TSPEAR: variants seen among roughly 807,000 people sequenced by gnomAD.
TSPEAR encodes the protein thrombospondin type laminin G domain and EAR repeats.
A neutral mutation model predicts 71.6 loss-of-function variants in TSPEAR; 69 were observed. The observed-to-expected ratio is 0.96, with a 90% CI of 0.79 to 1.18. TSPEAR has a LOEUF of 1.18. TSPEAR is among the 50% of genes most tolerant of loss of function. The probability of loss-of-function intolerance (pLI) is 0.00; values close to 1 mark genes in which losing one functional copy is unlikely to be tolerated. For missense variants in TSPEAR, 971 were observed against 894.9 expected (o/e 1.09, Z -1.09); for synonymous variants, 402 against 387.2 (o/e 1.04, Z -0.45).
At chr21:44,585,841 T>C (rs1346141139) in intron 1 of TSPEAR, among the ~76,000 whole-genome samples, 1 of 152,262 alleles carries the variant, frequency 6.6e-6, no homozygotes, top group African/African-American at 2.4e-5. Context: ...GATTTCCTCA[T>C]GCGTCTGAGG....
At chr21:44,665,611 G>C (rs1276820657) in intron 1 of TSPEAR, among the ~76,000 whole-genome samples, 1 of 152,114 alleles carries the variant, frequency 6.6e-6, no homozygotes, top group East Asian at 1.9e-4. Context: ...ACAGAATAAG[G>C]AGCACACAAT....
In TSPEAR at chr21:44,574,500, T is replaced by C. The variant is rs587638798; in HGVS notation, c.83-6495A>G. 1.9e-6 allele frequency: 3 copies of C among 1,609,860 alleles called. No homozygotes were observed. The African/African-American group carries it at 4.1e-5, about 22-fold the overall frequency. The stretch of plus-strand genomic sequence containing the variant: ...CAAGCCTGTGTGCTCTGAGGATTCC[T>C]CTTCATGCTGCCAGCAGTCTAGCTG... On this transcript the variant is annotated intron_variant, in intron 1 of 11. Coordinates refer to ENST00000323084, the MANE Select transcript of TSPEAR (RefSeq NM_144991.3).
chr21:44,622,827 A>G (rs1289095351), intron 1 of TSPEAR, among the ~76,000 whole-genome samples: 1 of 152,176 alleles, frequency 6.6e-6, no homozygotes, highest in Non-Finnish European at 1.5e-5. Flanking sequence ...CTCATGTTGA[A>G]ATGTGATCTC....
chr21:44,702,619 C>T (rs1987710574), intron 1 of TSPEAR: 7 of 1,603,184 alleles, frequency 4.4e-6, no homozygotes, highest in African/African-American at 1.3e-5. Flanking sequence ...CTCTGTGTCC[C>T]TCCTCTGCCA....
intron 1 of TSPEAR, among the ~76,000 whole-genome samples, chr21:44,693,364 T>C (rs367977766): frequency 1.3e-4 from 20 of 152,184 alleles, no homozygotes; most frequent in African/African-American, 4.8e-4. Context: ...TTGGACTTCA[T>C]CAAAATTTAA....
At chr21:44,586,457 A>T (rs1222379700) in intron 1 of TSPEAR, among the ~76,000 whole-genome samples, 4 of 150,514 alleles carry the variant, frequency 2.7e-5, no homozygotes, top group African/African-American at 1.0e-4. Flanking sequence ...TTAGGCTTTT[A>T]AAAAAAATTT....
At chr21:44,676,987 TTCCAC>T in intron 1 of TSPEAR, 1 of 928,768 alleles carries the variant, frequency 1.1e-6, no homozygotes, top group Non-Finnish European at 1.8e-6. Context: ...GCTCATTCCT[TTCCAC>T]CCAGGAAGGA....
At position 44,697,635 on chromosome 21, in the gene TSPEAR, C is replaced by G. The variant is rs1987431359; in HGVS notation, c.82+13798G>C. The G allele has an allele frequency of 6.2e-7, 1 of 1,614,044 alleles. No homozygotes were observed. Among genetic ancestry groups the G allele is most frequent in the Non-Finnish European group, 8.5e-7 (1 of 1,179,996 alleles). Reference sequence around the variant, plus strand: ...TGCCAGCCAGCTTGCTGCATCTCCTCCCCGTGTCAACAGTCCTGCTGTGTG... The same window carrying G: ...TGCCAGCCAGCTTGCTGCATCTCCTGCCCGTGTCAACAGTCCTGCTGTGTG... On this transcript the variant is annotated intron_variant, in intron 1 of 11. Transcript: ENST00000323084.
chr21:44,704,647 G>T (rs2838653), intron 1 of TSPEAR, among the ~76,000 whole-genome samples: 1 of 151,860 alleles, frequency 6.6e-6, no homozygotes, highest in African/African-American at 2.4e-5. Context: ...AAGAGGAGCA[G>T]AGGTCTCTCC....
intron 1 of TSPEAR, among the ~76,000 whole-genome samples, chr21:44,705,167 A>C (rs1200155453): frequency 6.6e-6 from 1 of 152,222 alleles, no homozygotes; most frequent in African/African-American, 2.4e-5. Flanking sequence ...TGCAATCTCT[A>C]AACATAAATT....
intron 2 of TSPEAR, among the ~76,000 whole-genome samples, chr21:44,535,490 G>A (rs1262949298): frequency 1.1e-4 from 16 of 152,184 alleles, no homozygotes; most frequent in African/African-American, 3.9e-4. Context: ...TGTTTCAGTT[G>A]ACAGTGGACA....
intron 1 of TSPEAR, chr21:44,627,888 C>A: frequency 6.2e-7 from 1 of 1,613,078 alleles, no homozygotes; most frequent in Non-Finnish European, 8.5e-7. Context: ...GCCCTGTGTG[C>A]AGGCCCGCCT....
At chr21:44,659,487 G>A (rs913517579) in intron 1 of TSPEAR, among the ~76,000 whole-genome samples, 21 of 152,086 alleles carry the variant, frequency 1.4e-4, no homozygotes, top group Non-Finnish European at 2.9e-4. Context: ...CACACTAATG[G>A]CCTGACAGGA....
At chr21:44,644,056 C>A (rs1434561471) in intron 1 of TSPEAR, among the ~76,000 whole-genome samples, 1 of 152,224 alleles carries the variant, frequency 6.6e-6, no homozygotes, top group Non-Finnish European at 1.5e-5. Context: ...ACTCACATCC[C>A]CTCCCGGCAC....
chr21:44,666,858 C>A (rs1299931579), intron 1 of TSPEAR: 1 of 1,613,750 alleles, frequency 6.2e-7, no homozygotes, highest in East Asian at 2.2e-5. Flanking sequence ...GGCTGGCTGG[C>A]AGCCCGAGGA....
intron 1 of TSPEAR, among the ~76,000 whole-genome samples, chr21:44,709,028 C>T (rs1341677199): frequency 6.6e-6 from 1 of 152,232 alleles, no homozygotes; most frequent in Non-Finnish European, 1.5e-5. Context: ...GGGTAACACT[C>T]AGGACAGGGA....
chr21:44,653,144 G>A (rs587616359), intron 1 of TSPEAR, among the ~76,000 whole-genome samples: 11 of 152,152 alleles, frequency 7.2e-5, no homozygotes, highest in African/African-American at 2.4e-4. Context: ...GTGACAGAGC[G>A]AGACTCCATC....
In TSPEAR at chr21:44,673,043, A is replaced by T. The variant is rs372285820; in HGVS notation, c.82+38390T>A. Among the ~76,000 whole-genome samples, 19 of 152,322 alleles carry T rather than the reference A, an allele frequency of 1.2e-4. No individual in the cohort carries two copies. The East Asian group carries it at 2.3e-3, about 19-fold the overall frequency. ...GTTCTTTATAGCAATGCAAGAACGT[A>T]CTAATACAGATCCCCAAATAGATAC... On this transcript the variant is annotated intron_variant, in intron 1 of 11. Transcript: ENST00000323084.
chr21:44,601,443 G>C lies in TSPEAR; in HGVS notation c.83-33438C>G, dbSNP rs782032221. The C allele has an allele frequency of 7.3e-5, 118 of 1,608,030 alleles. 1 individual carries two copies. In the East Asian group the frequency reaches 2.7e-3, roughly 36 times the overall value. ...GCGTGCCCGTCTGCTGTAAGCCTGT[G>C]TGCTGTGTGCCCGTCTGCTCTGGGG... On this transcript the variant is annotated intron_variant, in intron 1 of 11. Transcript: ENST00000323084.
Sources: gnomAD v4.1 joint callset for allele counts (sites outside exome capture counted in the v4.1 genomes callset) on GRCh38, gnomAD v4.1.1 for gene constraint, MANE v1.5 for transcripts, NCBI Gene and HGNC (gene_info 2026-07-23, HGNC 2026-07-21) for gene names.